KCNB2: variants seen among roughly 807,000 people sequenced by gnomAD.
KCNB2 encodes the protein delayed rectifier potassium channel protein.
A neutral mutation model predicts 61.5 loss-of-function variants in KCNB2; 15 were observed. That is an observed-to-expected ratio of 0.24 (90% CI 0.16 to 0.38). The LOEUF is 0.38. Among genes scored for constraint, KCNB2 ranks in the 10% least tolerant of loss-of-function variants. The pLI is 1.00. For synonymous variants in KCNB2, 457 were observed against 446.0 expected (o/e 1.02, Z -0.31); for missense variants, 828 against 1,125.2 (o/e 0.74, Z 3.78).
At chr8:72,686,202 C>A (rs1282993781) in intron 2 of KCNB2, among the ~76,000 whole-genome samples, 1 of 151,972 alleles carries the variant, frequency 6.6e-6, no homozygotes, top group Non-Finnish European at 1.5e-5. Flanking sequence ...AGACTTTGAC[C>A]TTTTTACACA....
chr8:72,592,238 T>C (rs1807112739), intron 2 of KCNB2, among the ~76,000 whole-genome samples: 1 of 152,184 alleles, frequency 6.6e-6, no homozygotes, highest in South Asian at 2.1e-4. Flanking sequence ...CTTTGTGATT[T>C]TCCTCTACAC....
chr8:72,682,377 C>T (rs1806774294), intron 2 of KCNB2, among the ~76,000 whole-genome samples: 2 of 151,966 alleles, frequency 1.3e-5, no homozygotes, highest in Non-Finnish European at 2.9e-5. Flanking sequence ...TTTAAGAAAA[C>T]TGCTAACTAG....
At chr8:72,725,787 C>T (rs879270270) in intron 2 of KCNB2, among the ~76,000 whole-genome samples, 1 of 151,482 alleles carries the variant, frequency 6.6e-6, no homozygotes, top group Non-Finnish European at 1.5e-5. Flanking sequence ...TGCACAGTAA[C>T]TTACACATAG....
intron 2 of KCNB2, among the ~76,000 whole-genome samples, chr8:72,825,594 G>A (rs372134774): frequency 1.3e-5 from 2 of 152,086 alleles, no homozygotes; most frequent in Non-Finnish European, 2.9e-5. Context: ...CATTTCAATG[G>A]GTGTGAAGTG....
At chr8:72,707,780 G>A (rs917322120) in intron 2 of KCNB2, among the ~76,000 whole-genome samples, 1 of 152,106 alleles carries the variant, frequency 6.6e-6, no homozygotes, top group African/African-American at 2.4e-5. Flanking sequence ...ATATGATTTG[G>A]GAAATACACA....
chr8:72,644,196 A>G (rs919329101), intron 2 of KCNB2, among the ~76,000 whole-genome samples: 2 of 152,048 alleles, frequency 1.3e-5, no homozygotes, highest in African/African-American at 2.4e-5. Context: ...TTAATTACCC[A>G]TGTGCACTAT....
At chr8:72,597,021 T>TGC (rs1807207544) in intron 2 of KCNB2, among the ~76,000 whole-genome samples, 2 of 50,012 alleles carry the variant, frequency 4.0e-5, no homozygotes, top group Admixed American at 2.6e-4. Flanking sequence ...TTTTTTTTTT[T>TGC]TTTTTTTTTT....
At chr8:72,565,358 G>A (rs1806608254) in intron 1 of KCNB2, among the ~76,000 whole-genome samples, 1 of 152,004 alleles carries the variant, frequency 6.6e-6, no homozygotes, top group African/African-American at 2.4e-5. Context: ...TGCAGAAATT[G>A]GTGTGTATCC....
At position 72,935,997 on chromosome 8, in the gene KCNB2, G is replaced by T; in HGVS notation, c.642G>T (p.Thr214=). The T allele has an allele frequency of 6.2e-7, 1 of 1,614,102 alleles. No homozygotes were observed. The highest frequency in any genetic ancestry group is 1.1e-5 in the South Asian group (1 of 91,082). The change falls in exon 3 of 3, where the codon ACG becomes ACT. Residue 214 remains threonine, a synonymous_variant. Coordinates refer to ENST00000523207, the MANE Select transcript of KCNB2 (RefSeq NM_004770.3). ...CCACCATTGCTTTGTCTCTCAATAC[G>T]CTGCCGGAGCTGCAGGAAACGGACG... ...VLSTIALSLN[T]LPELQETDEF...
intron 2 of KCNB2, among the ~76,000 whole-genome samples, chr8:72,910,482 C>T (rs1453847187): frequency 2.0e-5 from 3 of 152,008 alleles, no homozygotes; most frequent in African/African-American, 7.2e-5. Context: ...AAAGGGCATA[C>T]ACAATAGAGA....
At chr8:72,826,724 A>T (rs1481939157) in intron 2 of KCNB2, among the ~76,000 whole-genome samples, 1 of 152,212 alleles carries the variant, frequency 6.6e-6, no homozygotes, top group Non-Finnish European at 1.5e-5. Flanking sequence ...TTGGGACATG[A>T]TATTGCAGAA....
Position 72,568,333 on chromosome 8 carries a change from G to A in KCNB2, c.579+20G>A, listed in dbSNP as rs756782885. On this transcript the variant is annotated intron_variant, in intron 2 of 2. Transcript: ENST00000523207. ...GCAAAGGTATGAAACCCATAGTATT[G>A]CTTGCCTGTGTGTGGTCAGAAAAGA... The A allele has an allele frequency of 8.9e-6, 14 of 1,579,496 alleles. No individual in the cohort carries two copies. Among genetic ancestry groups the A allele is most frequent in the Non-Finnish European group, 1.2e-5 (14 of 1,162,448 alleles).
At chr8:72,675,079 A>G (rs138240764) in intron 2 of KCNB2, among the ~76,000 whole-genome samples, 592 of 152,322 alleles carry the variant, frequency 3.9e-3, no homozygotes, top group Admixed American at 8.4e-3. Flanking sequence ...TAAATGTAGA[A>G]ATGACTAATG....
chr8:72,725,559 A>G (rs1371546665), intron 2 of KCNB2, among the ~76,000 whole-genome samples: 1,381 of 57,832 alleles, frequency 0.024, 20 homozygotes, highest in Non-Finnish European at 0.042. Flanking sequence ...ATATATATGT[A>G]TATATGTATA....
intron 2 of KCNB2, among the ~76,000 whole-genome samples, chr8:72,690,097 T>A (rs1806916885): frequency 6.6e-6 from 1 of 152,068 alleles, no homozygotes; most frequent in Non-Finnish European, 1.5e-5. Context: ...AGTAGGGTGC[T>A]ATAAGAAATA....
At chr8:72,855,216 G>T (rs1307571940) in intron 2 of KCNB2, among the ~76,000 whole-genome samples, 2 of 152,160 alleles carry the variant, frequency 1.3e-5, no homozygotes, top group Non-Finnish European at 2.9e-5. Context: ...TGCCCAACAT[G>T]GATGTGCTTT....
chr8:72,768,612 G>A (rs1162397854), intron 2 of KCNB2, among the ~76,000 whole-genome samples: 1 of 151,968 alleles, frequency 6.6e-6, no homozygotes, highest in African/African-American at 2.4e-5. Flanking sequence ...GGTGTCATAG[G>A]TAGAAAATCA....
At chr8:72,686,545 G>GT (rs1170573408) in intron 2 of KCNB2, among the ~76,000 whole-genome samples, 1 of 152,060 alleles carries the variant, frequency 6.6e-6, no homozygotes, top group African/African-American at 2.4e-5. Flanking sequence ...ACATGAAAGG[G>GT]AAAGAGAAGC....
intron 2 of KCNB2, among the ~76,000 whole-genome samples, chr8:72,845,539 G>A (rs1420002389): frequency 6.6e-6 from 1 of 152,216 alleles, no homozygotes; most frequent in East Asian, 1.9e-4. Flanking sequence ...TGTGTCCACA[G>A]CTGCCCCTTC....
Sources: gnomAD v4.1 joint callset for allele counts (sites outside exome capture counted in the v4.1 genomes callset) on GRCh38, gnomAD v4.1.1 for gene constraint, MANE v1.5 for transcripts, NCBI Gene and HGNC (gene_info 2026-07-23, HGNC 2026-07-21) for gene names.